Variants in DPP8 observed in about 807,000 individuals in gnomAD.
DPP8 encodes the protein DPP VIII.
Under a neutral mutation model 107.5 loss-of-function variants are expected in DPP8, and 31 were observed. The observed-to-expected ratio is 0.29, with a 90% confidence interval of 0.22 to 0.39. The LOEUF (loss-of-function observed/expected upper bound fraction) is 0.39. Among genes scored for constraint, DPP8 ranks in the 10% least tolerant of loss-of-function variants. The probability of loss-of-function intolerance (pLI) is 1.00; values close to 1 mark genes in which losing one functional copy is unlikely to be tolerated. For missense variants in DPP8, 842 were observed against 1,076.1 expected (o/e 0.78, Z 3.04); for synonymous variants, 381 against 356.6 (o/e 1.07, Z -0.77).
At position 65,443,942 on chromosome 15, in the gene DPP8, A is replaced by C. The variant is rs202032147; in HGVS notation, c.*2942T>G. Reference sequence around the variant, plus strand: ...TATTTATTTATTTATTTTGAGGCAGAATCTCACTCTGTCGCCCAGACTGGA... The same window carrying C: ...TATTTATTTATTTATTTTGAGGCAGCATCTCACTCTGTCGCCCAGACTGGA... On this transcript the variant is annotated 3_prime_UTR_variant, in exon 20 of 20. Coordinates refer to ENST00000300141, the MANE Select transcript of DPP8 (RefSeq NM_130434.5). 1.2e-4 allele frequency: 18 copies of C among 152,310 alleles called. No homozygotes were observed. The East Asian group carries it at 3.5e-3, about 29-fold the overall frequency. The allele number at this position is 152,310 out of a possible 1,614,324, so 9.4% of individuals were successfully genotyped here. A position where few individuals can be genotyped will look rare whatever the true frequency, so the allele number is the denominator to read the frequency against.
chr15:65,517,350 G>C (rs2071588187), intron 1 of DPP8, 136 bp downstream of exon 1: 1 of 152,364 alleles, frequency 6.6e-6, no homozygotes. Context: ...GGGCAGGGCG[G>C]CGCGCCGGGT....
At chr15:65,502,200 A>G (rs1199620000) in intron 3 of DPP8, among the ~76,000 whole-genome samples, 1 of 152,124 alleles carries the variant, frequency 6.6e-6, no homozygotes, top group Non-Finnish European at 1.5e-5. Flanking sequence ...TCATGAAAGA[A>G]GTGATTTCTT....
intron 3 of DPP8, among the ~76,000 whole-genome samples, chr15:65,505,601 G>C (rs973649237): frequency 6.6e-6 from 1 of 152,050 alleles, no homozygotes; most frequent in African/African-American, 2.4e-5. Flanking sequence ...TTGTTTTAAA[G>C]AAAAGTCACA....
chr15:65,510,923 G>A (rs180977367), intron 2 of DPP8, among the ~76,000 whole-genome samples: 9 of 152,238 alleles, frequency 5.9e-5, no homozygotes, highest in African/African-American at 1.2e-4. Context: ...ACTGCTGTTC[G>A]CTAATCTGAC....
chr15:65,502,304 G>A (rs1186718709), intron 3 of DPP8, among the ~76,000 whole-genome samples: 6 of 147,206 alleles, frequency 4.1e-5, no homozygotes, highest in Non-Finnish European at 1.5e-5. Context: ...TTGCTAAATG[G>A]AAAAAAAAAA....
intron 16 of DPP8, among the ~76,000 whole-genome samples, chr15:65,455,104 G>C (rs2064299644): frequency 6.6e-6 from 1 of 152,060 alleles, no homozygotes. Flanking sequence ...CAAAAAATTA[G>C]CCCCTTAAGT....
At chr15:65,467,638 G>A (rs1400239256) in intron 12 of DPP8, among the ~76,000 whole-genome samples, 4 of 152,042 alleles carry the variant, frequency 2.6e-5, no homozygotes, top group Admixed American at 6.6e-5. Context: ...TCAGCCTCCC[G>A]AAGTATTGGG....
At chr15:65,454,476 T>G (rs2064235552) in intron 16 of DPP8, 61 bp from the exon 17 acceptor site, 3 of 1,418,036 alleles carry the variant, frequency 2.1e-6, no homozygotes, top group Non-Finnish European at 2.9e-6. Flanking sequence ...TAAGAGTGCT[T>G]TCAAAGATGA....
At chr15:65,448,872 A>ATGTG (rs1422546535) in intron 19 of DPP8, among the ~76,000 whole-genome samples, 5 of 8,356 alleles carry the variant, frequency 6.0e-4, no homozygotes, top group African/African-American at 2.3e-3. Flanking sequence ...TAAAATATAT[A>ATGTG]TATATATATA....
intron 2 of DPP8, among the ~76,000 whole-genome samples, chr15:65,507,771 G>C (rs1048094117): frequency 3.3e-5 from 5 of 151,954 alleles, no homozygotes; most frequent in Non-Finnish European, 7.4e-5. Context: ...GTAAGTTGCT[G>C]TGTAGAGAAA....
chr15:65,515,728 C>A, intron 1 of DPP8: 1 of 1,601,330 alleles, frequency 6.2e-7, no homozygotes, highest in Non-Finnish European at 8.6e-7. Context: ...CGACTTCAAG[C>A]ATAGAATCCC....
At chr15:65,454,214 G>A in intron 17 of DPP8, 49 bp downstream of exon 17, 4 of 1,342,054 alleles carry the variant, frequency 3.0e-6, no homozygotes, top group South Asian at 1.9e-5. Context: ...TCCATTTACA[G>A]AAAAATCTAC....
chr15:65,455,575 GTCTATAT>G (rs1294266497), intron 16 of DPP8: 28 of 823,988 alleles, frequency 3.4e-5, no homozygotes, highest in Non-Finnish European at 3.5e-5. Context: ...CCACCACCTT[GTCTATAT>G]TACTAGGCCT....
intron 4 of DPP8, among the ~76,000 whole-genome samples, 172 bp downstream of exon 4, chr15:65,500,434 C>T (rs573917126): frequency 6.6e-5 from 10 of 151,526 alleles, no homozygotes; most frequent in African/African-American, 1.9e-4. Flanking sequence ...AAAAAAAAAT[C>T]GCTCTTAAAA....
At chr15:65,468,200 T>C (rs1004131617) in intron 12 of DPP8, among the ~76,000 whole-genome samples, 1 of 152,118 alleles carries the variant, frequency 6.6e-6, no homozygotes, top group African/African-American at 2.4e-5. Context: ...ACTCAAACAA[T>C]GTTTAAGAAA....
Position 65,481,606 on chromosome 15 carries a change from C to A in DPP8, c.1027G>T (p.Val343Phe). 6.8e-7 allele frequency: 1 copy of A among 1,462,616 alleles called. No homozygotes were observed. Among genetic ancestry groups the A allele is most frequent in the Non-Finnish European group, 9.2e-7 (1 of 1,081,290 alleles). The allele number at this position is 1,462,616 out of a possible 1,614,324, so 90.6% of individuals were successfully genotyped here. The change falls in exon 9 of 20, where the codon GTC becomes TTC. Residue 343 changes from valine (V) to phenylalanine (F), a missense_variant. Val to Phe is a conservative substitution (Grantham distance 50). Coordinates refer to ENST00000300141, the MANE Select transcript of DPP8 (RefSeq NM_130434.5). Reference sequence around the variant, plus strand: ...GGTTGAATTAGTTCCTTATCTATGACATCTATGATCTATTAAAAAAGAAAA... The same window carrying A: ...GGTTGAATTAGTTCCTTATCTATGAAATCTATGATCTATTAAAAAAGAAAA... ...MIDAEGRIID[V>F]IDKELIQPFE...
At chr15:65,449,624 G>T (rs1200419861) in intron 19 of DPP8, among the ~76,000 whole-genome samples, 3 of 152,054 alleles carry the variant, frequency 2.0e-5, no homozygotes, top group Non-Finnish European at 2.9e-5. Context: ...TTGCCAGGCT[G>T]GTTGTGAACT....
intron 5 of DPP8, among the ~76,000 whole-genome samples, chr15:65,494,940 A>T: frequency 6.6e-6 from 1 of 152,156 alleles, no homozygotes; most frequent in East Asian, 1.9e-4. Context: ...TAACCTCCAC[A>T]AAGTATCCAG....
At position 65,446,966 on chromosome 15, in the gene DPP8, G is replaced by A. The variant is rs1251159108; in HGVS notation, c.2567C>T (p.Ser856Leu). The change falls in exon 20 of 20, where the codon TCG becomes TTG. Residue 856 changes from serine to leucine, a missense_variant. By Grantham distance (145) the Ser-to-Leu change is moderately radical. Coordinates refer to ENST00000300141, the MANE Select transcript of DPP8 (RefSeq NM_130434.5). ...AAGATGCAGTTCATAATGTTCTCCC[G>A]ATTCAGGAACTCTTATGCTGTGTCT... ...QERHSIRVPE[S>L]GEHYELHLLH... 1.2e-6 allele frequency: 2 copies of A among 1,610,746 alleles called. No homozygotes were observed. The highest frequency in any genetic ancestry group is 1.7e-6 in the Non-Finnish European group (2 of 1,178,314).
Sources: allele counts gnomAD v4.1 joint callset (sites outside exome capture counted in the v4.1 genomes callset), GRCh38; gene constraint gnomAD v4.1.1; transcripts MANE v1.5; gene names NCBI Gene and HGNC (gene_info 2026-07-23, HGNC 2026-07-21).